Variants in IQCM observed in about 807,000 individuals in gnomAD.
IQCM encodes IQ motif containing M.
In IQCM, 45 loss-of-function variants were observed where a neutral mutation model predicts 57.6. The observed-to-expected ratio is 0.78, with a 90% confidence interval of 0.62 to 1.00. The LOEUF (loss-of-function observed/expected upper bound fraction) is 1.00. Among genes scored for constraint, IQCM ranks in the 50% least tolerant of loss-of-function variants. The probability of loss-of-function intolerance (pLI) is 0.00; values close to 1 mark genes in which losing one functional copy is unlikely to be tolerated. For synonymous variants in IQCM, 148 were observed against 158.9 expected, an observed-to-expected ratio of 0.93 and a Z score of 0.51; for missense variants, 468 against 511.6, an observed-to-expected ratio of 0.91 and a Z score of 0.82.
chr4:149,510,471 A>G (rs1030559493), intron 12 of IQCM, among the ~76,000 whole-genome samples: 3 of 152,124 alleles, frequency 2.0e-5, no homozygotes, highest in African/African-American at 7.2e-5. Context: ...TTTATTTTGG[A>G]AGAATTTTAG....
intron 13 of IQCM, among the ~76,000 whole-genome samples, chr4:149,428,995 T>C (rs907514956): frequency 2.0e-4 from 30 of 151,894 alleles, no homozygotes; most frequent in African/African-American, 6.3e-4. Context: ...AAATGGACCA[T>C]TGCTTTGGGA....
At position 149,547,951 on chromosome 4, in the gene IQCM, T is replaced by C. The variant is rs539657499; in HGVS notation, c.1228+504A>G. On this transcript the variant is annotated intron_variant, in intron 12 of 13. Coordinates refer to ENST00000636793, the MANE Select transcript of IQCM (RefSeq NM_001363507.2). ...AGAAATCTTGCTCAATTTAAATTAT[T>C]AAATATTCTCATAAACAATATTTTT... Among the ~76,000 whole-genome samples the C allele has an allele frequency of 2.0e-5, 3 of 152,286 alleles. No individual in the cohort carries two copies. In the East Asian group the frequency reaches 5.8e-4, roughly 29 times the overall value.
At chr4:149,602,407 A>G (rs1054532344) in intron 8 of IQCM, among the ~76,000 whole-genome samples, 41 of 152,258 alleles carry the variant, frequency 2.7e-4, no homozygotes, top group Middle Eastern at 3.4e-3. Flanking sequence ...TATCATCTAC[A>G]TGACACATAT....
At chr4:149,643,119 C>T (rs768373745) in intron 7 of IQCM, among the ~76,000 whole-genome samples, 1 of 152,088 alleles carries the variant, frequency 6.6e-6, no homozygotes, top group East Asian at 1.9e-4. Flanking sequence ...ATAGGAACAA[C>T]AACATAGCAT....
In IQCM at chr4:149,466,626, A is replaced by T. The variant is rs141476560; in HGVS notation, c.1229-33069T>A. 5.3e-5 allele frequency among the ~76,000 whole-genome samples: 8 copies of T among 152,356 alleles called. No homozygotes were observed. The East Asian group carries it at 1.5e-3, about 29-fold the overall frequency. On this transcript the variant is annotated intron_variant, in intron 12 of 13. Coordinates refer to ENST00000636793, the MANE Select transcript of IQCM (RefSeq NM_001363507.2). ...AAGAATGCCAGTGGGAAGACAGATG[A>T]GATTTGTCCCTGTAACTTTGGAAGG... is the stretch of plus-strand genomic sequence containing the variant.
chr4:149,395,741 C>T (rs930198092), intron 13 of IQCM, among the ~76,000 whole-genome samples: 2 of 151,994 alleles, frequency 1.3e-5, no homozygotes, highest in Non-Finnish European at 2.9e-5. Flanking sequence ...CAATAAAGTG[C>T]TATGCAAATG....
chr4:149,574,844 C>T (rs1359663561), intron 9 of IQCM, among the ~76,000 whole-genome samples: 3 of 151,890 alleles, frequency 2.0e-5, no homozygotes, highest in Non-Finnish European at 4.4e-5. Flanking sequence ...ATTAAGGATA[C>T]TTATTTCGGC....
intron 9 of IQCM, among the ~76,000 whole-genome samples, chr4:149,577,123 G>A (rs934202856): frequency 6.6e-5 from 10 of 151,822 alleles, no homozygotes; most frequent in African/African-American, 2.4e-4. Context: ...TATAGATTCT[G>A]GATATTAGAC....
At chr4:149,762,040 A>C (rs1328491395) in intron 2 of IQCM, among the ~76,000 whole-genome samples, 1 of 152,076 alleles carries the variant, frequency 6.6e-6, no homozygotes, top group Non-Finnish European at 1.5e-5. Flanking sequence ...GCTTATCATA[A>C]AGAACTGAAG....
intron 5 of IQCM, among the ~76,000 whole-genome samples, chr4:149,692,714 A>C (rs1763031126): frequency 6.6e-6 from 1 of 152,192 alleles, no homozygotes; most frequent in Non-Finnish European, 1.5e-5. Flanking sequence ...AAACCTTTAG[A>C]TGGCAACTGA....
intron 12 of IQCM, among the ~76,000 whole-genome samples, chr4:149,523,155 C>A (rs1745828606): frequency 1.3e-5 from 2 of 152,078 alleles, no homozygotes; most frequent in African/African-American, 2.4e-5. Context: ...AGAGAGGAAG[C>A]AAGCGCTCTC....
chr4:149,768,731 A>G (rs1002071387), intron 2 of IQCM, among the ~76,000 whole-genome samples: 11 of 152,032 alleles, frequency 7.2e-5, no homozygotes, highest in Non-Finnish European at 1.5e-4. Flanking sequence ...GAGACCAAAG[A>G]TCATTAGGGA....
chr4:149,435,272 T>C (rs1159619065), intron 12 of IQCM, among the ~76,000 whole-genome samples: 3 of 152,096 alleles, frequency 2.0e-5, no homozygotes, highest in Non-Finnish European at 4.4e-5. Context: ...TAATTCTTAA[T>C]GGGCTTTGAA....
chr4:149,465,751 T>G (rs189815533), intron 12 of IQCM, among the ~76,000 whole-genome samples: 1 of 152,206 alleles, frequency 6.6e-6, no homozygotes, highest in African/African-American at 2.4e-5. Context: ...GTTTTTTTTT[T>G]GTTTCTAGTT....
intron 5 of IQCM, among the ~76,000 whole-genome samples, chr4:149,709,993 T>A (rs1222461628): frequency 6.6e-6 from 1 of 152,094 alleles, no homozygotes; most frequent in Non-Finnish European, 1.5e-5. Context: ...ACAGTGAAAA[T>A]CAACTCTTTG....
intron 2 of IQCM, among the ~76,000 whole-genome samples, chr4:149,743,328 C>T (rs1767634661): frequency 6.6e-6 from 1 of 152,098 alleles, no homozygotes; most frequent in African/African-American, 2.4e-5. Context: ...TCCATGACCA[C>T]CCAGCCTCTT....
intron 8 of IQCM, among the ~76,000 whole-genome samples, chr4:149,595,920 G>T (rs1753733525): frequency 6.6e-6 from 1 of 152,126 alleles, no homozygotes; most frequent in Non-Finnish European, 1.5e-5. Context: ...GTATCCTAAA[G>T]ATAATGCTGG....
At chr4:149,592,643 A>G (rs1443513184) in intron 8 of IQCM, among the ~76,000 whole-genome samples, 1 of 148,356 alleles carries the variant, frequency 6.7e-6, no homozygotes, top group African/African-American at 2.4e-5. Context: ...TATAAGGTGT[A>G]AGGAAGGGAT....
chr4:149,564,289 C>T (rs966009127), intron 9 of IQCM, among the ~76,000 whole-genome samples: 6 of 152,148 alleles, frequency 3.9e-5, no homozygotes, highest in African/African-American at 9.7e-5. Context: ...GTTAACCAAA[C>T]GTCATCAGAA....
Sources: allele counts gnomAD v4.1 joint callset (sites outside exome capture counted in the v4.1 genomes callset), GRCh38; gene constraint gnomAD v4.1.1; transcripts MANE v1.5; gene names NCBI Gene and HGNC (gene_info 2026-07-23, HGNC 2026-07-21).